The following RAI14 variants were observed in gnomAD, a reference collection of about 807,000 sequenced individuals.
The protein encoded by RAI14 is ankycorbin.
RAI14 carries 45 observed loss-of-function variants against 115.4 expected under a neutral mutation model. The ratio of observed to expected loss-of-function variants is 0.39; its 90% CI spans 0.31 to 0.50. The LOEUF (loss-of-function observed/expected upper bound fraction) is 0.50, where lower values mean the gene tolerates loss of function less well. Among genes scored for constraint, RAI14 ranks in the 20% least tolerant of loss-of-function variants. The pLI, the probability that RAI14 is intolerant of heterozygous loss-of-function variation, is 0.85. For missense variants in RAI14, 939 were observed against 1,131.2 expected (o/e 0.83, Z 2.44); for synonymous variants, 371 against 415.4 (o/e 0.89, Z 1.30).
chr5:34,688,284 T>C, intron 2 of RAI14: 1 of 1,506,526 alleles, frequency 6.6e-7, no homozygotes, highest in Middle Eastern at 1.7e-4. Flanking sequence ...ATTCAGCAGA[T>C]AGGGGTTTCT....
intron 2 of RAI14, among the ~76,000 whole-genome samples, chr5:34,702,152 A>T (rs1315976886): frequency 1.3e-5 from 2 of 152,196 alleles, no homozygotes; most frequent in Non-Finnish European, 2.9e-5. Flanking sequence ...TGATTTCATT[A>T]TTCAGTTCTT....
intron 2 of RAI14, chr5:34,687,717 G>A (rs371018696): frequency 5.2e-6 from 8 of 1,551,446 alleles, no homozygotes; most frequent in African/African-American, 1.4e-5. Context: ...TTAGATGGAA[G>A]CCAAGGTATG....
In RAI14 at chr5:34,815,680, C is replaced by T. The variant is rs181592418; in HGVS notation, c.939+1011C>T. The stretch of plus-strand genomic sequence containing the variant: ...AGGTATTGGGGAGATGTTGGCTAGA[C>T]GGTACAACATTTCATCCAGATAAAA... On this transcript the variant is annotated intron_variant, in intron 12 of 17. Coordinates refer to ENST00000265109, the MANE Select transcript of RAI14 (RefSeq NM_015577.3). 2.5e-3 allele frequency among the ~76,000 whole-genome samples: 382 copies of T among 152,174 alleles called. 1 individual carries two copies. The highest frequency in any genetic ancestry group is 8.5e-3 in the African/African-American group (352 of 41,508).
chr5:34,779,460 A>G (rs1464692032), intron 3 of RAI14, among the ~76,000 whole-genome samples: 1 of 152,232 alleles, frequency 6.6e-6, no homozygotes, highest in African/African-American at 2.4e-5. Context: ...ACATGATTGT[A>G]TATCTAGAAA....
chr5:34,711,140 G>C (rs185258090), intron 2 of RAI14, among the ~76,000 whole-genome samples: 1 of 152,186 alleles, frequency 6.6e-6, no homozygotes, highest in African/African-American at 2.4e-5. Context: ...ATGCGCGTCC[G>C]TGTGAAGAGA....
chr5:34,695,803 C>CTTTTT (rs376091071), intron 2 of RAI14, among the ~76,000 whole-genome samples: 2 of 128,960 alleles, frequency 1.6e-5, no homozygotes, highest in Admixed American at 8.1e-5. Context: ...AAGCACTTTC[C>CTTTTT]TTTTTTTTTT....
chr5:34,798,252 T>G (rs1207450794), intron 4 of RAI14, among the ~76,000 whole-genome samples: 1 of 152,040 alleles, frequency 6.6e-6, no homozygotes, highest in Non-Finnish European at 1.5e-5. Flanking sequence ...TTGGCCAGGC[T>G]GGTCTTGAAC....
intron 2 of RAI14, among the ~76,000 whole-genome samples, chr5:34,692,150 C>T (rs1462358751): frequency 6.6e-6 from 1 of 152,154 alleles, no homozygotes; most frequent in African/African-American, 2.4e-5. Flanking sequence ...GTAATCCCAG[C>T]TACTCGGGAG....
chr5:34,721,046 G>A (rs1742650668), intron 2 of RAI14, among the ~76,000 whole-genome samples: 2 of 151,532 alleles, frequency 1.3e-5, no homozygotes, highest in Non-Finnish European at 2.9e-5. Flanking sequence ...GAGAGGGGAG[G>A]AACAAAGACC....
intron 2 of RAI14, among the ~76,000 whole-genome samples, chr5:34,689,364 C>A (rs1277860695): frequency 6.6e-6 from 1 of 152,046 alleles, no homozygotes; most frequent in Non-Finnish European, 1.5e-5. Flanking sequence ...GTGTTCACGC[C>A]ACTGCACTCC....
At chr5:34,796,632 A>G (rs890256516) in intron 4 of RAI14, among the ~76,000 whole-genome samples, 8 of 152,056 alleles carry the variant, frequency 5.3e-5, no homozygotes, top group African/African-American at 9.7e-5. Context: ...TTTTGTTTTT[A>G]TGAATCATTG....
chr5:34,767,358 G>A (rs1196751519), intron 3 of RAI14, among the ~76,000 whole-genome samples: 1 of 152,172 alleles, frequency 6.6e-6, no homozygotes, highest in Non-Finnish European at 1.5e-5. Flanking sequence ...GTGATAGACA[G>A]CAGAGTAAGG....
intron 3 of RAI14, among the ~76,000 whole-genome samples, chr5:34,785,999 C>T (rs1752248657): frequency 6.6e-6 from 1 of 152,190 alleles, no homozygotes; most frequent in Admixed American, 6.5e-5. Flanking sequence ...CCTGTTGGGA[C>T]CTTTTGCAGG....
chr5:34,773,262 C>A (rs189827226), intron 3 of RAI14, among the ~76,000 whole-genome samples: 2 of 152,222 alleles, frequency 1.3e-5, no homozygotes, highest in East Asian at 3.9e-4. Context: ...TATCAACTCA[C>A]AATGGATTCA....
chr5:34,812,188 AC>A lies in RAI14; in HGVS notation c.749del (p.Pro250GlnfsTer13). 2 of 1,581,902 alleles carry A rather than the reference AC, an allele frequency of 1.3e-6. No homozygotes were observed. Among genetic ancestry groups the A allele is most frequent in the Non-Finnish European group, 1.7e-6 (2 of 1,155,562 alleles). On this transcript the variant is annotated frameshift_variant, in exon 10 of 18. Coordinates refer to ENST00000265109, the MANE Select transcript of RAI14 (RefSeq NM_015577.3). LOFTEE classifies it high-confidence loss of function. ...SKISQDADLK[T>X]PTKPKQHDQV... ...CACTTTTTCCTCTATAGATTTAAAGACCCCAACAAAACCAAAGCAGGTATTT... is the reference window on the plus strand; with the variant it reads ...CACTTTTTCCTCTATAGATTTAAAGACCCAACAAAACCAAAGCAGGTATTT...
intron 8 of RAI14, among the ~76,000 whole-genome samples, chr5:34,811,365 A>T (rs1369553957): frequency 1.3e-5 from 2 of 152,194 alleles, no homozygotes; most frequent in Non-Finnish European, 2.9e-5. Flanking sequence ...AATGTGAATA[A>T]ACAATTTCCT....
rs377191022 is a variant in RAI14 at position 34,695,969 on chromosome 5, C to T, written c.36+9014C>T. On this transcript the variant is annotated intron_variant, in intron 2 of 17. Coordinates refer to ENST00000265109, the MANE Select transcript of RAI14 (RefSeq NM_015577.3). ...AATAGCTAGGACTACAGGCACATAA[C>T]ACCATGCCTGGTTAATTTTCATATT... Among the ~76,000 whole-genome samples, 25 of 152,028 alleles carry T rather than the reference C, an allele frequency of 1.6e-4. 1 individual carries two copies. In the East Asian group the frequency reaches 2.3e-3, roughly 14 times the overall value.
At chr5:34,692,611 C>CTT (rs572243576) in intron 2 of RAI14, among the ~76,000 whole-genome samples, 23 of 144,804 alleles carry the variant, frequency 1.6e-4, no homozygotes, top group African/African-American at 5.8e-4. Flanking sequence ...TAAGCTAAGC[C>CTT]TTTTTTTTTT....
At chr5:34,764,248 C>A (rs1297157855) in intron 3 of RAI14, among the ~76,000 whole-genome samples, 1 of 152,222 alleles carries the variant, frequency 6.6e-6, no homozygotes, top group African/African-American at 2.4e-5. Context: ...GGGCCCCACT[C>A]ACTAGATCAT....
Sources: allele counts gnomAD v4.1 joint callset (sites outside exome capture counted in the v4.1 genomes callset), GRCh38; gene constraint gnomAD v4.1.1; transcripts MANE v1.5; gene names NCBI Gene and HGNC (gene_info 2026-07-23, HGNC 2026-07-21).